Variants in BCAT1 observed in about 807,000 individuals in gnomAD.
The protein encoded by BCAT1 is branched-chain-amino-acid aminotransferase, cytosolic.
Under a neutral mutation model 52.4 loss-of-function variants are expected in BCAT1, and 48 were observed. The ratio of observed to expected loss-of-function variants is 0.92; its 90% CI spans 0.73 to 1.16. The LOEUF (loss-of-function observed/expected upper bound fraction) is 1.16, where lower values mean the gene tolerates loss of function less well. BCAT1 is among the 50% of genes most tolerant of loss of function. The pLI is 0.00. For missense variants in BCAT1, 451 were observed against 457.1 expected, an observed-to-expected ratio of 0.99 and a Z score of 0.12; for synonymous variants, 167 against 161.3, an observed-to-expected ratio of 1.04 and a Z score of -0.27.
In BCAT1 at chr12:24,850,714, A is replaced by G. The variant is rs186572074; in HGVS notation, c.511-765T>C. On this transcript the variant is annotated intron_variant, in intron 5 of 10. Transcript: ENST00000261192. ...GCAAACGCTGAGTTATAACCAATTC[A>G]GCTGTTTCTGAATCTCTTTTCTGTT... Among the ~76,000 whole-genome samples, 7 of 152,294 alleles carry G rather than the reference A, an allele frequency of 4.6e-5. No homozygotes were observed. The East Asian group carries it at 1.4e-3, about 29-fold the overall frequency.
intron 3 of BCAT1, among the ~76,000 whole-genome samples, chr12:24,882,597 ATTT>A (rs67802372): frequency 6.8e-6 from 1 of 146,478 alleles, no homozygotes. Flanking sequence ...TTTATTATTT[ATTT>A]TTTTTTTTTG....
chr12:24,929,211 A>G (rs976222940), intron 1 of BCAT1, among the ~76,000 whole-genome samples: 2 of 152,242 alleles, frequency 1.3e-5, no homozygotes, highest in African/African-American at 4.8e-5. Context: ...CCAAACTTCT[A>G]AAGTTCAGAA....
rs1942916844 is a variant in BCAT1, at chr12:24,894,543, G to A, written c.79-68C>T. 1.2e-5 allele frequency: 15 copies of A among 1,272,970 alleles called. No homozygotes were observed. The South Asian group carries it at 2.0e-4, about 17-fold the overall frequency. 78.9% of individuals were successfully genotyped at this position (1,272,970 alleles called of 1,614,324 possible). ...GCATTCGCTGGCTAGATTATACAGA[G>A]GGGAAAAAAAAAAAGGAAATCAATT... On this transcript the variant is annotated intron_variant, in intron 2 of 10. Coordinates refer to ENST00000261192, the MANE Select transcript of BCAT1 (RefSeq NM_005504.7).
chr12:24,940,603 G>A (rs1186011083), intron 1 of BCAT1, among the ~76,000 whole-genome samples: 2 of 152,156 alleles, frequency 1.3e-5, no homozygotes, highest in Non-Finnish European at 1.5e-5. Flanking sequence ...TATGATTAAT[G>A]TTATATGATT....
In BCAT1 at chr12:24,816,649, T is replaced by A; in HGVS notation, c.*1359A>T. The A allele has an allele frequency of 2.5e-6, 1 of 397,538 alleles. No homozygotes were observed. The highest frequency in any genetic ancestry group is 1.3e-4 in the South Asian group (1 of 7,836). The allele number at this position is 397,538 out of a possible 1,614,324, so 24.6% of individuals were successfully genotyped here. On this transcript the variant is annotated 3_prime_UTR_variant, in exon 11 of 11. Transcript: ENST00000261192. ...AACACTTGACATAAAACATTTGTCATTTCCATTTGGTTGGTATGATATCAT... is the reference window on the plus strand; with the variant it reads ...AACACTTGACATAAAACATTTGTCAATTCCATTTGGTTGGTATGATATCAT...
chr12:24,853,369 C>T lies in BCAT1; in HGVS notation c.511-3420G>A, dbSNP rs140271252. ...AGAAACAGAAAACCAAAATATCACACGTCCGCACTTATAAGTGAGAGCTAA... is the reference window on the plus strand; with the variant it reads ...AGAAACAGAAAACCAAAATATCACATGTCCGCACTTATAAGTGAGAGCTAA... On this transcript the variant is annotated intron_variant, in intron 5 of 10. Transcript: ENST00000261192. 4.6e-4 allele frequency among the ~76,000 whole-genome samples: 70 copies of T among 152,226 alleles called. 1 individual carries two copies. In the East Asian group the frequency reaches 9.6e-3, roughly 21 times the overall value.
chr12:24,897,407 A>C (rs1440506629), intron 2 of BCAT1, among the ~76,000 whole-genome samples: 1 of 152,254 alleles, frequency 6.6e-6, no homozygotes, highest in Non-Finnish European at 1.5e-5. Context: ...CTGACAATTA[A>C]AGATAAATTA....
rs1045028923 is a variant in BCAT1 at position 24,943,304 on chromosome 12, G to C, written c.6+5623C>G. ...GCCCAGGAGTTCAAGACCAGCCAGT[G>C]CAACATGGAGAAACCCCATCTCTAC... On this transcript the variant is annotated intron_variant, in intron 1 of 10. Coordinates refer to ENST00000261192, the MANE Select transcript of BCAT1 (RefSeq NM_005504.7). 1.6e-4 allele frequency among the ~76,000 whole-genome samples: 25 copies of C among 151,996 alleles called. No homozygotes were observed. The South Asian group carries it at 5.2e-3, about 32-fold the overall frequency.
chr12:24,903,992 G>C (rs1943181068), intron 1 of BCAT1: 1 of 152,140 alleles, frequency 6.6e-6, no homozygotes, highest in African/African-American at 2.4e-5. Context: ...TTTTTTAAAT[G>C]GTTTCATACA....
At chr12:24,909,579 G>A (rs1292846487) in intron 1 of BCAT1, among the ~76,000 whole-genome samples, 5 of 152,292 alleles carry the variant, frequency 3.3e-5, no homozygotes, top group Admixed American at 6.5e-5. Flanking sequence ...ACCTGTAGGG[G>A]AGAATCCTAC....
At chr12:24,832,635 G>T in intron 9 of BCAT1, 88 bp downstream of exon 9, 9 of 1,398,198 alleles carry the variant, frequency 6.4e-6, no homozygotes, top group Non-Finnish European at 8.6e-6. Flanking sequence ...TTGGGTCTGG[G>T]TCCAGATACA....
chr12:24,828,826 CA>C (rs1236136277), intron 10 of BCAT1, among the ~76,000 whole-genome samples: 1 of 149,178 alleles, frequency 6.7e-6, no homozygotes, highest in Non-Finnish European at 1.5e-5. Flanking sequence ...GCCAACAGGG[CA>C]AAACCTCATC....
intron 1 of BCAT1, among the ~76,000 whole-genome samples, chr12:24,913,655 A>T (rs1353223344): frequency 1.3e-5 from 2 of 152,212 alleles, no homozygotes; most frequent in Non-Finnish European, 2.9e-5. Flanking sequence ...GGTTAAACAA[A>T]GTATGGAGAG....
chr12:24,941,552 C>T (rs958011694), intron 1 of BCAT1, among the ~76,000 whole-genome samples: 1 of 152,160 alleles, frequency 6.6e-6, no homozygotes, highest in Non-Finnish European at 1.5e-5. Flanking sequence ...AATAGGCTCT[C>T]GATTTAACTC....
chr12:24,910,378 AAAATAAATAAAT>A (rs57340584), intron 1 of BCAT1, among the ~76,000 whole-genome samples: 64,465 of 145,982 alleles, frequency 0.44, 15,330 homozygotes, highest in South Asian at 0.62. Flanking sequence ...CTCTGTCTCA[AAAATAAATAAAT>A]AAATAAATAA....
At chr12:24,843,378 C>T (rs961347936) in intron 6 of BCAT1, among the ~76,000 whole-genome samples, 2 of 152,066 alleles carry the variant, frequency 1.3e-5, no homozygotes, top group Admixed American at 6.6e-5. Flanking sequence ...CTAAGATGGG[C>T]GGATCACTGA....
chr12:24,819,536 T>C (rs1237099732), intron 10 of BCAT1, among the ~76,000 whole-genome samples: 3 of 152,104 alleles, frequency 2.0e-5, no homozygotes, highest in Admixed American at 6.5e-5. Context: ...AAAAATCAAG[T>C]GTAAGGAGCA....
At chr12:24,933,948 A>G (rs1943716759) in intron 1 of BCAT1, among the ~76,000 whole-genome samples, 1 of 152,136 alleles carries the variant, frequency 6.6e-6, no homozygotes. Context: ...TAATCTTATT[A>G]TGCACATGAA....
intron 2 of BCAT1, among the ~76,000 whole-genome samples, chr12:24,900,273 AT>A (rs1943063859): frequency 6.6e-6 from 1 of 152,180 alleles, no homozygotes; most frequent in Non-Finnish European, 1.5e-5. Context: ...ATATACAGAA[AT>A]CTAAATTAAC....
Sources: gnomAD v4.1 joint callset for allele counts (sites outside exome capture counted in the v4.1 genomes callset) on GRCh38, gnomAD v4.1.1 for gene constraint, MANE v1.5 for transcripts, NCBI Gene and HGNC (gene_info 2026-07-23, HGNC 2026-07-21) for gene names.